The following ANO8 variants were observed in gnomAD, a reference collection of about 807,000 sequenced individuals.
The protein encoded by ANO8 is anoctamin-8.
A neutral mutation model predicts 120.4 loss-of-function variants in ANO8; 67 were observed. That is an observed-to-expected ratio of 0.56 (90% CI 0.46 to 0.68). The LOEUF is 0.68. Among genes scored for constraint, ANO8 ranks in the 30% least tolerant of loss-of-function variants. The pLI is 0.00. For missense variants in ANO8, 1,526 were observed against 1,737.6 expected, an observed-to-expected ratio of 0.88 and a Z score of 2.16; for synonymous variants, 727 against 759.2, an observed-to-expected ratio of 0.96 and a Z score of 0.70.
Position 17,328,155 on chromosome 19 carries a change from T to C in ANO8, c.2226+7A>G. ...CCGCCCCCTGCGAGGCCCCGCCCCC[T>C]CCTCACCTCGTACTTCTTCATACAG... On this transcript the variant is annotated splice_region_variant and intron_variant, in intron 13 of 17. Transcript: ENST00000159087. The C allele has an allele frequency of 3.1e-6, 4 of 1,304,628 alleles. No individual in the cohort carries two copies. Among genetic ancestry groups the C allele is most frequent in the East Asian group, 3.4e-5 (1 of 29,528 alleles). 80.8% of individuals were successfully genotyped at this position (1,304,628 alleles called of 1,614,324 possible). A position where few individuals can be genotyped will look rare whatever the true frequency, so the allele number is the denominator to read the frequency against.
Position 17,332,916 on chromosome 19 carries a change from C to A in ANO8, c.586+14G>T, listed in dbSNP as rs200466292. ...CTCTCTGCCTGTGATTGGTGTTGAC[C>A]CCGCCCTGCTCACTGATTGGCTGGT... On this transcript the variant is annotated intron_variant, in intron 5 of 17. Transcript: ENST00000159087. 10 of 1,613,698 alleles carry A rather than the reference C, an allele frequency of 6.2e-6. No individual in the cohort carries two copies. In the African/African-American group the frequency reaches 1.3e-4, roughly 22 times the overall value.
chr19:17,328,243 C>T lies in ANO8; in HGVS notation c.2145G>A (p.Ser715=). 1.2e-6 allele frequency: 2 copies of T among 1,610,878 alleles called. No individual in the cohort carries two copies. The highest frequency in any genetic ancestry group is 1.7e-6 in the Non-Finnish European group (2 of 1,178,354). ...STRRQRRQNR[S]SWIDPPEEEH... ...CCTCCTCCGGCGGGTCAATCCAAGA[C>T]GACCGGTTCTGCCGTCTCTGCCTAC... is the stretch of plus-strand genomic sequence containing the variant. The change falls in exon 13 of 18, where the codon TCG becomes TCA. Residue 715 remains serine (S), a synonymous_variant. Coordinates refer to ENST00000159087, the MANE Select transcript of ANO8 (RefSeq NM_020959.3).
chr19:17,327,992 C>T (rs572885270), intron 13 of ANO8, 112 bp from the exon 14 acceptor site: 621 of 1,449,696 alleles, frequency 4.3e-4, no homozygotes, highest in Non-Finnish European at 5.4e-4. Context: ...TGTCCCCATC[C>T]TCAGCCAGCC....
In ANO8 at chr19:17,328,688, G is replaced by T. The variant is rs1259313524; in HGVS notation, c.1700C>A (p.Ala567Glu). Residue 567 changes from alanine (A) to glutamate (E), a missense_variant, in exon 13 of 18, where the codon GCG becomes GAG. Transcript: ENST00000159087. ...EEAALVERRR[A>E]GEGGEEGDGP... ...GTCCCCCTCCTCCCCGCCTTCCCCCGCCCGCCGCCGCTCCACCAGCGCCGC... is the reference window on the plus strand; with the variant it reads ...GTCCCCCTCCTCCCCGCCTTCCCCCTCCCGCCGCCGCTCCACCAGCGCCGC... 25 of 670,948 alleles carry T rather than the reference G, an allele frequency of 3.7e-5. No homozygotes were observed. Among genetic ancestry groups the T allele is most frequent in the Non-Finnish European group, 5.0e-5 (24 of 482,548 alleles). The allele number at this position is 670,948 out of a possible 1,614,324, so 41.6% of individuals were successfully genotyped here.
Position 17,323,798 on chromosome 19 carries a change from G to A in ANO8, c.3418C>T (p.Arg1140Trp). ...PAPPPPMPLP[R>W]PPTPPAGCWQ... ...CAGCCTGCGGGCGGTGTCGGGGGCC[G>A]GGGCAGCGGCATTGGCGGCGGCGGC... Residue 1140 changes from arginine (R) to tryptophan (W), a missense_variant, in exon 18 of 18, where the codon CGG (arginine) becomes TGG (tryptophan). Physicochemically the swap from Arg to Trp is moderately radical, Grantham distance 101. Around this residue, in one of 8 missense-constraint regions of ANO8, gnomAD observed 489 missense variants for 548.6 expected, o/e 0.89. Transcript: ENST00000159087. The A allele has an allele frequency of 8.7e-7, 1 of 1,153,938 alleles. No homozygotes were observed. The highest frequency in any genetic ancestry group is 1.1e-6 in the Non-Finnish European group (1 of 937,476). The allele number at this position is 1,153,938 out of a possible 1,614,324, so 71.5% of individuals were successfully genotyped here.
In ANO8 at chr19:17,330,496, T is replaced by A; in HGVS notation, c.1002A>T (p.Arg334=). The A allele has an allele frequency of 6.6e-7, 1 of 1,525,062 alleles. No individual in the cohort carries two copies. Among genetic ancestry groups the A allele is most frequent in the Non-Finnish European group, 8.8e-7 (1 of 1,132,486 alleles). The allele number at this position is 1,525,062 out of a possible 1,614,324, so 94.5% of individuals were successfully genotyped here. Reference sequence around the variant, plus strand: ...CGGCCCGCGTGATGGGGCTGATACGTCGCACGCCCTGATGGTGGGCAAAGA... The same window carrying A: ...CGGCCCGCGTGATGGGGCTGATACGACGCACGCCCTGATGGTGGGCAAAGA... ...EEPRPQFRGV[R]RISPITRAEE... Residue 334 remains arginine, a synonymous_variant, in exon 9 of 18, where the codon CGA becomes CGT. Coordinates refer to ENST00000159087, the MANE Select transcript of ANO8 (RefSeq NM_020959.3).
At chr19:17,326,474 C>G (rs1263650393) in intron 16 of ANO8, among the ~76,000 whole-genome samples, 1 of 152,164 alleles carries the variant, frequency 6.6e-6, no homozygotes, top group Non-Finnish European at 1.5e-5. Flanking sequence ...CCATGCACTC[C>G]AGCCTGGATG....
In ANO8 at chr19:17,327,587, G is replaced by T. The variant is rs2074281067; in HGVS notation, c.2419-18C>A. The T allele has an allele frequency of 6.2e-7, 1 of 1,612,842 alleles. No individual in the cohort carries two copies. The highest frequency in any genetic ancestry group is 8.5e-7 in the Non-Finnish European group (1 of 1,179,524). ...ATCACCTTCTGCAGGGCGGCAGGAGGGCTCAGGCGGGGTCCAGCCGGCCTC... is the reference window on the plus strand; with the variant it reads ...ATCACCTTCTGCAGGGCGGCAGGAGTGCTCAGGCGGGGTCCAGCCGGCCTC... On this transcript the variant is annotated intron_variant, in intron 14 of 17. Transcript: ENST00000159087.
Position 17,324,699 on chromosome 19 carries a change from C to A in ANO8, c.3331+18G>T. On this transcript the variant is annotated intron_variant, in intron 17 of 17. Coordinates refer to ENST00000159087, the MANE Select transcript of ANO8 (RefSeq NM_020959.3). ...AAAGCCGGCCCGGCGTCCCCACCCC[C>A]GAGTTAAAGCTTGTGACCTGAGCCT... The A allele has an allele frequency of 6.6e-7, 1 of 1,516,052 alleles. No individual in the cohort carries two copies. Among genetic ancestry groups the A allele is most frequent in the Non-Finnish European group, 8.8e-7 (1 of 1,134,054 alleles). The allele number at this position is 1,516,052 out of a possible 1,614,324, so 93.9% of individuals were successfully genotyped here. A position where few individuals can be genotyped will look rare whatever the true frequency, so the allele number is the denominator to read the frequency against.
In ANO8 at chr19:17,324,492, TC is replaced by T. The variant is rs957232148; in HGVS notation, c.3331+224del. ...AGTCCTGGGACAAGGGGCTTTGGCA[TC>T]CCTCCCTGGGGAGGGTCAGGCACGG... is the stretch of plus-strand genomic sequence containing the variant. On this transcript the variant is annotated intron_variant, in intron 17 of 17. Transcript: ENST00000159087. 6.1e-4 allele frequency among the ~76,000 whole-genome samples: 92 copies of T among 151,994 alleles called. 2 individuals carry two copies. The highest frequency in any genetic ancestry group is 1.1e-3 in the Admixed American group (17 of 15,284).
chr19:17,330,575 A>G (rs1212839504), intron 8 of ANO8, 71 bp from the exon 9 acceptor site: 9 of 1,450,900 alleles, frequency 6.2e-6, no homozygotes, highest in African/African-American at 4.3e-5. Flanking sequence ...ACCCCTCCCT[A>G]TCCTCAGAAC....
At position 17,333,780 on chromosome 19, in the gene ANO8, G is replaced by A; in HGVS notation, c.127C>T (p.Leu43Phe). 6.2e-7 allele frequency: 1 copy of A among 1,602,402 alleles called. No individual in the cohort carries two copies. The highest frequency in any genetic ancestry group is 1.1e-5 in the South Asian group (1 of 89,006). Reference protein sequence around the residue: ...GVLDKLFGKRLLQAGRYLVSH... With the variant: ...GVLDKLFGKRFLQAGRYLVSH... ...ACCAGGTAGCGACCAGCCTGCAGGA[G>A]CCGCTTTCCGAAAAGCTTATCTAGG... Residue 43 changes from leucine (L) to phenylalanine (F), a missense_variant, in exon 2 of 18, where the codon CTC (leucine) becomes TTC (phenylalanine). Transcript: ENST00000159087. This position sits in a 1 kb window ranked among gnomAD's most constrained non-coding sequence, Gnocchi z 7.2.
Position 17,334,826 on chromosome 19 carries a change from C to T in ANO8, c.-156G>A. The T allele has an allele frequency of 7.9e-7, 1 of 1,259,764 alleles. No individual in the cohort carries two copies. Among genetic ancestry groups the T allele is most frequent in the South Asian group, 1.6e-5 (1 of 61,936 alleles). The allele number at this position is 1,259,764 out of a possible 1,614,324, so 78.0% of individuals were successfully genotyped here. On this transcript the variant is annotated 5_prime_UTR_variant, in exon 1 of 18. Transcript: ENST00000159087. ...GTCCTCGCTCGCCCGAGCGCTGCTTCTCGTCCCCGCCCGAGCCGAACCTCG... is the reference window on the plus strand; with the variant it reads ...GTCCTCGCTCGCCCGAGCGCTGCTTTTCGTCCCCGCCCGAGCCGAACCTCG...
chr19:17,328,787 C>A lies in ANO8; in HGVS notation c.1601G>T (p.Gly534Val). 7.4e-7 allele frequency: 1 copy of A among 1,360,368 alleles called. No homozygotes were observed. The highest frequency in any genetic ancestry group is 9.4e-7 in the Non-Finnish European group (1 of 1,064,454). 84.3% of individuals were successfully genotyped at this position (1,360,368 alleles called of 1,614,324 possible). ...GCCCCCGCCCCCGCTGCCGCCGCCCCCGCCCTCATCCGCCTGGGGTTCGAG... is the reference window on the plus strand; with the variant it reads ...GCCCCCGCCCCCGCTGCCGCCGCCCACGCCCTCATCCGCCTGGGGTTCGAG... ...RRLEPQADEG[G>V]GGGSGGGGRR... The change falls in exon 13 of 18, where the codon GGG (glycine) becomes GTG (valine). Residue 534 changes from glycine (G) to valine (V), a missense_variant. By Grantham distance (109) the Gly-to-Val change is moderately radical. This residue lies in a region of ANO8 where 467 missense variants were observed against 425.8 expected (regional missense o/e 1.10). Transcript: ENST00000159087.
In ANO8 at chr19:17,328,810, G is replaced by C; in HGVS notation, c.1578C>G (p.Leu526=). 3.6e-6 allele frequency: 5 copies of C among 1,400,586 alleles called. No individual in the cohort carries two copies. Among genetic ancestry groups the C allele is most frequent in the Non-Finnish European group, 4.6e-6 (5 of 1,082,096 alleles). The allele number at this position is 1,400,586 out of a possible 1,614,324, so 86.8% of individuals were successfully genotyped here. A position where few individuals can be genotyped will look rare whatever the true frequency, so the allele number is the denominator to read the frequency against. Residue 526 remains leucine (L), a synonymous_variant, in exon 13 of 18, where the codon CTC becomes CTG. Coordinates refer to ENST00000159087, the MANE Select transcript of ANO8 (RefSeq NM_020959.3). ...CCCCGCCCTCATCCGCCTGGGGTTC[G>C]AGGCGGCGGGGCGCAGGGCGCCGGA... ...LSLRRPAPRR[L]EPQADEGGGG...
At chr19:17,327,077 G>C (rs1285650844) in intron 16 of ANO8, among the ~76,000 whole-genome samples, 158 bp downstream of exon 16, 1 of 152,188 alleles carries the variant, frequency 6.6e-6, no homozygotes, top group African/African-American at 2.4e-5. Flanking sequence ...TGGGATCATA[G>C]GAGTGAGCCA....
intron 12 of ANO8, 122 bp downstream of exon 12, chr19:17,329,635 G>A (rs1212528812): frequency 1.1e-5 from 8 of 713,786 alleles, no homozygotes; most frequent in African/African-American, 5.3e-5. Flanking sequence ...CGGACAGACA[G>A]GAGAGAAGGA....
In ANO8 at chr19:17,327,246, C is replaced by T; in HGVS notation, c.2650G>A (p.Glu884Lys). The change falls in exon 16 of 18, where the codon GAG becomes AAG. Residue 884 changes from glutamate to lysine, a missense_variant. Glu to Lys is a moderately conservative substitution (Grantham distance 56). Coordinates refer to ENST00000159087, the MANE Select transcript of ANO8 (RefSeq NM_020959.3). ...EMAKLEYQRR[E>K]AFKRHERQAQ... ...CCTGGCCCCCCTACCTTAAAGGCCTCGCGGCGCTGGTACTCCAGCTTGGCC... is the reference window on the plus strand; with the variant it reads ...CCTGGCCCCCCTACCTTAAAGGCCTTGCGGCGCTGGTACTCCAGCTTGGCC... The T allele has an allele frequency of 6.5e-7, 1 of 1,544,542 alleles. No homozygotes were observed. The highest frequency in any genetic ancestry group is 8.7e-7 in the Non-Finnish European group (1 of 1,143,456).
In ANO8 at chr19:17,327,759, T is replaced by G. The variant is rs2074282590; in HGVS notation, c.2348A>C (p.Asp783Ala). The change falls in exon 14 of 18, where the codon GAC becomes GCC. Residue 783 changes from aspartate (D) to alanine (A), a missense_variant. Transcript: ENST00000159087. ...LVNNLIEIRS[D>A]AFKLCTGLQR... ...CAGCCCGGTGCACAGCTTGAAGGCG[T>G]CGCTGCGGATCTCAATGAGGTTGTT... 6.2e-7 allele frequency: 1 copy of G among 1,613,998 alleles called. No homozygotes were observed. Among genetic ancestry groups the G allele is most frequent in the African/African-American group, 1.3e-5 (1 of 74,946 alleles).
Sources: allele counts gnomAD v4.1 joint callset (sites outside exome capture counted in the v4.1 genomes callset), GRCh38; gene constraint gnomAD v4.1.1; regional missense constraint gnomAD v4.1.1; non-coding constraint Gnocchi (gnomAD v3.1); transcripts MANE v1.5; gene names NCBI Gene and HGNC (gene_info 2026-07-23, HGNC 2026-07-21).